The following GLIS3 variants were observed in gnomAD, a reference collection of about 807,000 sequenced individuals.
GLIS3 encodes the protein GLIS family zinc finger 3, also known as zinc finger protein GLIS3.
A neutral mutation model predicts 78.6 loss-of-function variants in GLIS3; 53 were observed. That is an observed-to-expected ratio of 0.67 (90% CI 0.54 to 0.85). The LOEUF is 0.85. Among genes scored for constraint, GLIS3 ranks in the 40% least tolerant of loss-of-function variants. GLIS3 has a pLI of 0.00. For missense variants in GLIS3, 1,703 were observed against 1,231.1 expected, an observed-to-expected ratio of 1.38 and a Z score of -5.74; for synonymous variants, 684 against 509.9, an observed-to-expected ratio of 1.34 and a Z score of -4.60.
chr9:4,323,307 T>C (rs1232316337), intron 2 of GLIS3, among the ~76,000 whole-genome samples: 1 of 152,212 alleles, frequency 6.6e-6, no homozygotes, highest in African/African-American at 2.4e-5. Context: ...AGTGCTGTTT[T>C]ATCACATATA....
chr9:4,084,256 AACACACACACACACACACACACACAC>A (rs370384726), intron 4 of GLIS3, among the ~76,000 whole-genome samples: 1 of 132,118 alleles, frequency 7.6e-6, no homozygotes, highest in Non-Finnish European at 1.6e-5. Flanking sequence ...TCCTCTCTCT[AACACACACACACACACACACACACAC>A]ACACACACAC....
At chr9:4,075,006 C>T (rs966035266) in intron 4 of GLIS3, among the ~76,000 whole-genome samples, 15 of 152,166 alleles carry the variant, frequency 9.9e-5, no homozygotes, top group African/African-American at 3.6e-4. Flanking sequence ...ATGATGAAGA[C>T]AACAGACGTA....
intron 6 of GLIS3, among the ~76,000 whole-genome samples, chr9:3,929,300 T>C (rs1454602540): frequency 5.3e-5 from 8 of 152,240 alleles, no homozygotes; most frequent in Non-Finnish European, 1.0e-4. Flanking sequence ...CTCTTCTGCA[T>C]GCAGTGAACC....
chr9:3,902,836 A>G (rs1247344897), intron 6 of GLIS3, among the ~76,000 whole-genome samples: 2 of 152,244 alleles, frequency 1.3e-5, no homozygotes, highest in Non-Finnish European at 2.9e-5. Context: ...TTTTAAATAT[A>G]GGAACAGAAA....
chr9:4,395,759 TTTCTTTTTTC>T, the GLIS3 span, among the ~76,000 whole-genome samples: 1 of 139,868 alleles, frequency 7.1e-6, no homozygotes. Flanking sequence ...TGGTCACCAT[TTTCTTTTTTC>T]TTTTTTTCTT....
intron 2 of GLIS3, among the ~76,000 whole-genome samples, chr9:4,240,964 T>C (rs1418405660): frequency 6.6e-6 from 1 of 152,236 alleles, no homozygotes; most frequent in East Asian, 1.9e-4. Flanking sequence ...AGTGTGTGTG[T>C]GTGTGTGTAC....
the GLIS3 span, among the ~76,000 whole-genome samples, chr9:4,415,369 C>T: frequency 5.3e-5 from 8 of 152,296 alleles, no homozygotes; most frequent in South Asian, 4.1e-4. Context: ...CTCATTACCA[C>T]GCATTTGACA....
chr9:4,423,441 C>T, the GLIS3 span, among the ~76,000 whole-genome samples: 2 of 152,194 alleles, frequency 1.3e-5, no homozygotes, highest in East Asian at 1.9e-4. Flanking sequence ...CCCCCAACTT[C>T]CCACACCCCT....
intron 2 of GLIS3, among the ~76,000 whole-genome samples, chr9:4,330,970 T>C (rs982285107): frequency 3.3e-5 from 5 of 152,192 alleles, no homozygotes; most frequent in Non-Finnish European, 7.3e-5. Context: ...GTTAGGACCC[T>C]TTACTGGCAG....
chr9:4,235,965 T>TA (rs1261058157), intron 2 of GLIS3, among the ~76,000 whole-genome samples: 1 of 151,958 alleles, frequency 6.6e-6, no homozygotes, highest in Non-Finnish European at 1.5e-5. Flanking sequence ...AATAACTATG[T>TA]AAAAGAGATT....
chr9:4,322,034 C>T lies in GLIS3; in HGVS notation n.265-11506G>A, dbSNP rs557169079. Among the ~76,000 whole-genome samples, 46 of 152,236 alleles carry T rather than the reference C, an allele frequency of 3.0e-4. No individual in the cohort carries two copies. The South Asian group carries it at 7.7e-3, about 25-fold the overall frequency. Reference sequence around the variant, plus strand: ...CTAATGCTATCCCTCCCCCATCCCCCGAGCCCACGACAGGCCCTGGTGTGT... The same window carrying T: ...CTAATGCTATCCCTCCCCCATCCCCTGAGCCCACGACAGGCCCTGGTGTGT... On this transcript the variant is annotated intron_variant and non_coding_transcript_variant, in intron 2 of 4. Transcript: ENST00000471664.
At chr9:4,287,635 C>T (rs1828115043) in intron 1 of GLIS3, among the ~76,000 whole-genome samples, 1 of 152,176 alleles carries the variant, frequency 6.6e-6, no homozygotes, top group Non-Finnish European at 1.5e-5. Context: ...GCAGGAGTGA[C>T]CAGATATCCT....
At chr9:4,101,634 A>T (rs73392569) in intron 4 of GLIS3, among the ~76,000 whole-genome samples, 7,451 of 152,260 alleles carry the variant, frequency 0.049, 361 homozygotes, top group African/African-American at 0.12. Flanking sequence ...TACCTACTAT[A>T]TTCCTGATTA....
chr9:4,404,863 T>C, the GLIS3 span, among the ~76,000 whole-genome samples: 1 of 151,630 alleles, frequency 6.6e-6, no homozygotes. Context: ...GAAATAATAA[T>C]GAAGATCAGA....
chr9:4,193,455 G>T (rs1012079194), intron 2 of GLIS3, among the ~76,000 whole-genome samples: 36 of 152,208 alleles, frequency 2.4e-4, no homozygotes, highest in African/African-American at 7.7e-4. Context: ...GAAAAGGTTT[G>T]CAGACTCCTG....
At chr9:4,217,260 C>G (rs1339409284) in intron 2 of GLIS3, among the ~76,000 whole-genome samples, 1 of 152,166 alleles carries the variant, frequency 6.6e-6, no homozygotes, top group Non-Finnish European at 1.5e-5. Flanking sequence ...TGCATGTGCA[C>G]TCATTCATTC....
Position 4,080,991 on chromosome 9 carries a change from G to A in GLIS3, c.1710+36777C>T, listed in dbSNP as rs117952691. ...CAACACAGGGCAACTGATTTCATGA[G>A]CAGGGTTTCTACTCCACAGGGCGTT... On this transcript the variant is annotated intron_variant, in intron 4 of 10. Coordinates refer to ENST00000381971, the MANE Select transcript of GLIS3 (RefSeq NM_001042413.2). Among the ~76,000 whole-genome samples the A allele has an allele frequency of 1.4e-4, 22 of 152,326 alleles. No homozygotes were observed. In the East Asian group the frequency reaches 4.2e-3, roughly 29 times the overall value.
At chr9:4,337,593 G>C (rs1262455717) in intron 2 of GLIS3, among the ~76,000 whole-genome samples, 1 of 151,966 alleles carries the variant, frequency 6.6e-6, no homozygotes, top group Admixed American at 6.6e-5. Flanking sequence ...GCTCCTTCCG[G>C]TCATTTTTTC....
rs977086185 is a variant in GLIS3 at position 3,826,373 on chromosome 9, C to G, written c.*1899G>C. 5 of 152,170 alleles carry G rather than the reference C, an allele frequency of 3.3e-5. No individual in the cohort carries two copies. Among genetic ancestry groups the G allele is most frequent in the African/African-American group, 1.2e-4 (5 of 41,440 alleles). The allele number at this position is 152,170 out of a possible 1,614,324, so 9.4% of individuals were successfully genotyped here. A position where few individuals can be genotyped will look rare whatever the true frequency, so the allele number is the denominator to read the frequency against. ...CTTGTTTAGGCCAAGTGACACGACC[C>G]ACAAAGTCTGCAGGAAGGGTGGTAC... On this transcript the variant is annotated 3_prime_UTR_variant, in exon 11 of 11. Transcript: ENST00000381971.
Sources: allele counts gnomAD v4.1 joint callset (sites outside exome capture counted in the v4.1 genomes callset), GRCh38; gene constraint gnomAD v4.1.1; transcripts MANE v1.5; gene names NCBI Gene and HGNC (gene_info 2026-07-23, HGNC 2026-07-21).